GRHL3: variants seen among roughly 807,000 people sequenced by gnomAD.
GRHL3 encodes the protein grainyhead like transcription factor 3.
Under a neutral mutation model 70.3 loss-of-function variants are expected in GRHL3, and 20 were observed. That is an observed-to-expected ratio of 0.28 (90% confidence interval 0.20 to 0.41). GRHL3 has a LOEUF of 0.41. Ranked by LOEUF, GRHL3 falls within the 10% of genes least tolerant of loss-of-function variation. The pLI is 1.00. For missense variants in GRHL3, 637 were observed against 762.3 expected (o/e 0.84, Z 1.94); for synonymous variants, 299 against 299.9 (o/e 1.00, Z 0.03).
At chr1:24,343,756 G>A (rs1569901786) in intron 11 of GRHL3, among the ~76,000 whole-genome samples, 1 of 152,200 alleles carries the variant, frequency 6.6e-6, no homozygotes, top group South Asian at 2.1e-4. Flanking sequence ...TGGAGAGTCT[G>A]AGCATTTCCT....
intron 15 of GRHL3, among the ~76,000 whole-genome samples, chr1:24,351,669 G>A: frequency 6.6e-6 from 1 of 151,538 alleles, no homozygotes; most frequent in African/African-American, 2.4e-5. Context: ...TGCATGGGGG[G>A]GTGGGAGGGT....
intron 1 of GRHL3, among the ~76,000 whole-genome samples, chr1:24,327,750 G>A (rs1257961137): frequency 6.6e-6 from 1 of 152,104 alleles, no homozygotes; most frequent in Non-Finnish European, 1.5e-5. Flanking sequence ...CCATGAGTAG[G>A]ACTCACTCCT....
At chr1:24,335,939 G>C (rs1312037102) in intron 3 of GRHL3, among the ~76,000 whole-genome samples, 1 of 152,066 alleles carries the variant, frequency 6.6e-6, no homozygotes, top group Non-Finnish European at 1.5e-5. Context: ...AGCAACACCA[G>C]TCTCTTGCAA....
chr1:24,346,674 G>A (rs1452379346), intron 13 of GRHL3, 33 bp downstream of exon 13: 1 of 1,512,458 alleles, frequency 6.6e-7, no homozygotes, highest in Non-Finnish European at 9.1e-7. Flanking sequence ...TACTCACCAG[G>A]CCCACCCCAG....
chr1:24,324,517 C>A (rs751602897), intron 1 of GRHL3, among the ~76,000 whole-genome samples: 3 of 152,200 alleles, frequency 2.0e-5, no homozygotes, highest in Middle Eastern at 3.2e-3. Context: ...TATGTGCTGG[C>A]ACTATGCTGA....
At chr1:24,335,955 T>C (rs956182134) in intron 3 of GRHL3, among the ~76,000 whole-genome samples, 7 of 152,218 alleles carry the variant, frequency 4.6e-5, no homozygotes, top group Non-Finnish European at 1.0e-4. Flanking sequence ...TGCAAAAGAT[T>C]CAAACTCTTC....
chr1:24,341,842 C>T (rs1204478303), intron 8 of GRHL3, among the ~76,000 whole-genome samples: 1 of 152,224 alleles, frequency 6.6e-6, no homozygotes, highest in Non-Finnish European at 1.5e-5. Flanking sequence ...GAAACTGTAC[C>T]AACAGCGGTG....
intron 14 of GRHL3, 120 bp downstream of exon 14, chr1:24,347,673 C>A: frequency 1.3e-6 from 1 of 781,414 alleles, no homozygotes; most frequent in Non-Finnish European, 2.2e-6. Flanking sequence ...GTGGCCTACC[C>A]GTCCCACCCT....
At chr1:24,357,905 C>T, downstream of GRHL3, 1 of 323,388 alleles carries the variant, frequency 3.1e-6, no homozygotes, top group Non-Finnish European at 6.1e-6. Context: ...ACTGCCATTC[C>T]AAGATGATCT....
chr1:24,330,624 C>G (rs1346320054), intron 1 of GRHL3, among the ~76,000 whole-genome samples: 1 of 152,222 alleles, frequency 6.6e-6, no homozygotes, highest in Non-Finnish European at 1.5e-5. Context: ...GGTCCCTGCT[C>G]CTTCCCCACA....
chr1:24,336,685 C>T lies in GRHL3; in HGVS notation c.470C>T (p.Ala157Val). The T allele has an allele frequency of 6.2e-7, 1 of 1,614,118 alleles. No homozygotes were observed. The change falls in exon 4 of 16, where the codon GCC (alanine) becomes GTC (valine). Residue 157 changes from alanine (A) to valine (V), a missense_variant. Coordinates refer to ENST00000361548, the MANE Select transcript of GRHL3 (RefSeq NM_198173.3). ...CCTGCAGGCCCCAGCAAGCTGGAGGCCGGCTCTGTGGACAGCTACCTGTTA... is the reference window on the plus strand; with the variant it reads ...CCTGCAGGCCCCAGCAAGCTGGAGGTCGGCTCTGTGGACAGCTACCTGTTA... The part of the protein sequence containing the change: ...PLPAGPSKLE[A>V]GSVDSYLLPT...
In GRHL3 at chr1:24,336,847, C is replaced by T; in HGVS notation, c.612+20C>T. The T allele has an allele frequency of 1.9e-6, 3 of 1,542,228 alleles. No homozygotes were observed. The highest frequency in any genetic ancestry group is 2.7e-6 in the Non-Finnish European group (3 of 1,127,172). On this transcript the variant is annotated intron_variant, in intron 4 of 15. Coordinates refer to ENST00000361548, the MANE Select transcript of GRHL3 (RefSeq NM_198173.3). Reference sequence around the variant, plus strand: ...CAGGAGGTGAGGGCGCATCCCCGCTCCCCTATAGCATAGATATGTGTGTGC... The same window carrying T: ...CAGGAGGTGAGGGCGCATCCCCGCTTCCCTATAGCATAGATATGTGTGTGC...
intron 12 of GRHL3, among the ~76,000 whole-genome samples, chr1:24,345,986 C>T (rs563141886): frequency 6.6e-4 from 101 of 152,298 alleles, no homozygotes; most frequent in African/African-American, 2.4e-3. Context: ...CAGAGTTAGG[C>T]AAGCAGGGTT....
Position 24,364,240 on chromosome 1 carries a change from G to GA in GRHL3, c.1752dup (p.Cys585MetfsTer70). 6.5e-7 allele frequency: 1 copy of GA among 1,547,766 alleles called. No individual in the cohort carries two copies. The highest frequency in any genetic ancestry group is 1.2e-5 in the South Asian group (1 of 83,362). Reference sequence around the variant, plus strand: ...TCGCCACCCCCCACCTGACTGTCTTGAATGTTCCCATCCTGTGACTCAAGT... The same window carrying GA: ...TCGCCACCCCCCACCTGACTGTCTTGAAATGTTCCCATCCTGTGACTCAAGT... On this transcript the variant is annotated frameshift_variant, in exon 16 of 16. Coordinates refer to the GRHL3 transcript ENST00000350501. LOFTEE classifies it low-confidence loss of function (END_TRUNC).
rs1640661610 is a variant in GRHL3 at position 24,355,011 on chromosome 1, C to T, written c.*523C>T. The T allele has an allele frequency of 6.5e-6, 1 of 153,738 alleles. No individual in the cohort carries two copies. The highest frequency in any genetic ancestry group is 1.5e-5 in the Non-Finnish European group (1 of 68,804). 9.5% of individuals were successfully genotyped at this position (153,738 alleles called of 1,614,324 possible). ...ACTATATTGGAGTCTCTTTCTCAGA[C>T]TTCCTCAGCGCAGGATGTAAATAGC... is the stretch of plus-strand genomic sequence containing the variant. On this transcript the variant is annotated 3_prime_UTR_variant, in exon 16 of 16. Transcript: ENST00000361548.
Position 24,342,588 on chromosome 1 carries a change from A to G in GRHL3, c.1207-106A>G. The G allele has an allele frequency of 9.2e-7, 1 of 1,089,682 alleles. No individual in the cohort carries two copies. Among genetic ancestry groups the G allele is most frequent in the South Asian group, 1.3e-5 (1 of 76,210 alleles). The allele number at this position is 1,089,682 out of a possible 1,614,324, so 67.5% of individuals were successfully genotyped here. On this transcript the variant is annotated intron_variant, in intron 9 of 15. Transcript: ENST00000361548. The surrounding 1 kb of genome is among the most constrained non-coding windows in gnomAD (Gnocchi z 4.8). The stretch of plus-strand genomic sequence containing the variant: ...CATTTCCTGGTCTTGTTCTGGAAAA[A>G]AGAAGGACCAGAAGCTTGGCCCATA...
intron 15 of GRHL3, among the ~76,000 whole-genome samples, chr1:24,362,856 G>C (rs1041737924): frequency 6.6e-6 from 1 of 152,170 alleles, no homozygotes; most frequent in Non-Finnish European, 1.5e-5. Context: ...ACAGGGAAAG[G>C]GGGGACATGC....
intron 7 of GRHL3, among the ~76,000 whole-genome samples, chr1:24,339,168 C>T (rs915725714): frequency 6.6e-6 from 1 of 152,162 alleles, no homozygotes; most frequent in Non-Finnish European, 1.5e-5. Flanking sequence ...CAGGCTGGAC[C>T]TGTTTTCCCA....
intron 1 of GRHL3, among the ~76,000 whole-genome samples, chr1:24,326,214 G>A (rs559315595): frequency 9.8e-5 from 15 of 152,312 alleles, no homozygotes; most frequent in Admixed American, 3.9e-4. Context: ...AAAGTACCTG[G>A]CTCACACCTG....
Sources: allele counts gnomAD v4.1 joint callset (sites outside exome capture counted in the v4.1 genomes callset), GRCh38; gene constraint gnomAD v4.1.1; non-coding constraint Gnocchi (gnomAD v3.1); transcripts MANE v1.5; gene names NCBI Gene and HGNC (gene_info 2026-07-23, HGNC 2026-07-21).